The following OAT variants were observed in gnomAD, a reference collection of about 807,000 sequenced individuals.
OAT encodes the protein ornithine aminotransferase, also known as ornithine aminotransferase, mitochondrial.
A neutral mutation model predicts 48.4 loss-of-function variants in OAT; 35 were observed. The ratio of observed to expected loss-of-function variants is 0.72; its 90% CI spans 0.55 to 0.96. The LOEUF (loss-of-function observed/expected upper bound fraction) is 0.96, where lower values mean the gene tolerates loss of function less well. Among genes scored for constraint, OAT ranks in the 40% least tolerant of loss-of-function variants. The pLI is 0.00. For missense variants in OAT, 438 were observed against 537.9 expected (o/e 0.81, Z 1.84); for synonymous variants, 182 against 198.4 (o/e 0.92, Z 0.70).
In OAT at chr10:124,412,075, T is replaced by C. The variant is rs771324745; in HGVS notation, c.97A>G (p.Thr33Ala). The change falls in exon 2 of 10, where the codon ACA becomes GCA. Residue 33 changes from threonine to alanine, a missense_variant. By Grantham distance (58) the Thr-to-Ala change is moderately conservative. Transcript: ENST00000368845. ...ASATSVATKKTVQGPPTSDDI... is the reference protein window; with the variant it reads ...ASATSVATKKAVQGPPTSDDI... ...TCAGAGGTTGGAGGGCCTTGGACTG[T>C]TTTTTTAGTTGCAACAGATGTAGCA... is the stretch of plus-strand genomic sequence containing the variant. 4.3e-6 allele frequency: 7 copies of C among 1,614,022 alleles called. No individual in the cohort carries two copies. The South Asian group carries it at 6.6e-5, about 15-fold the overall frequency.
At chr10:124,414,025 C>G (rs1337279620) in intron 1 of OAT, 1 of 124,476 alleles carries the variant, frequency 8.0e-6, no homozygotes, top group Non-Finnish European at 1.8e-5. Context: ...GGAATCACCT[C>G]TGGAAGGAAA....
intron 1 of OAT, among the ~76,000 whole-genome samples, chr10:124,413,285 CACACACACACACACACACACACACAT>C (rs1490136894): frequency 6.9e-6 from 1 of 145,034 alleles, no homozygotes; most frequent in African/African-American, 2.5e-5. Context: ...CACACACACA[CACACACACACACACACACACACACAT>C]ATATGAGATT....
At chr10:124,399,006 C>T (rs1334341048) in intron 9 of OAT, among the ~76,000 whole-genome samples, 1 of 151,730 alleles carries the variant, frequency 6.6e-6, no homozygotes, top group Admixed American at 6.6e-5. Context: ...ACAGACACTC[C>T]AGCCCAACAG....
At chr10:124,410,883 G>A (rs1222957729) in intron 2 of OAT, among the ~76,000 whole-genome samples, 2 of 152,066 alleles carry the variant, frequency 1.3e-5, no homozygotes, top group Non-Finnish European at 1.5e-5. Flanking sequence ...GCTCACGCCT[G>A]TAATCCAGCA....
chr10:124,398,165 G>C, intron 9 of OAT, 63 bp from the exon 10 acceptor site: 8 of 1,565,946 alleles, frequency 5.1e-6, no homozygotes, highest in Non-Finnish European at 7.0e-6. Context: ...CTTGCCGTAT[G>C]TATGGGCAAA....
intron 5 of OAT, among the ~76,000 whole-genome samples, 160 bp from the exon 6 acceptor site, chr10:124,404,080 C>T (rs1437204369): frequency 1.3e-5 from 2 of 152,148 alleles, no homozygotes; most frequent in African/African-American, 2.4e-5. Flanking sequence ...TTATCAGAAG[C>T]TCCAAATACC....
chr10:124,398,153 C>T (rs1326863944), intron 9 of OAT, 51 bp from the exon 10 acceptor site: 2 of 1,602,978 alleles, frequency 1.2e-6, no homozygotes, highest in Non-Finnish European at 1.7e-6. Flanking sequence ...GTTTAAACAT[C>T]CCTTGCCGTA....
chr10:124,402,398 C>T (rs956253146), intron 7 of OAT, among the ~76,000 whole-genome samples: 14 of 152,294 alleles, frequency 9.2e-5, no homozygotes, highest in African/African-American at 3.4e-4. Flanking sequence ...TCACTTCCAA[C>T]GTCGAGATGA....
intron 1 of OAT, 135 bp from the exon 2 acceptor site, chr10:124,412,335 A>C: frequency 1.5e-6 from 1 of 676,822 alleles, no homozygotes; most frequent in Non-Finnish European, 2.5e-6. Context: ...ACAGAGCAAG[A>C]CTCCATCACT....
At chr10:124,400,719 C>T (rs1951382511) in intron 9 of OAT, 121 bp downstream of exon 9, 2 of 770,730 alleles carry the variant, frequency 2.6e-6, no homozygotes, top group Non-Finnish European at 4.0e-6. Flanking sequence ...CACGGCACTG[C>T]AGCCTAGGAG....
chr10:124,408,701 T>G, intron 3 of OAT, 40 bp downstream of exon 3: 1 of 1,581,686 alleles, frequency 6.3e-7, no homozygotes, highest in Non-Finnish European at 8.7e-7. Flanking sequence ...ATAAAAAGAT[T>G]ATTTTTGAGG....
chr10:124,400,446 TA>T (rs56370450), intron 9 of OAT, among the ~76,000 whole-genome samples: 8,199 of 103,824 alleles, frequency 0.079, 293 homozygotes, highest in Non-Finnish European at 0.1. Flanking sequence ...GACTCCATCT[TA>T]AAAAAAAAAA....
chr10:124,411,065 G>A (rs1177588603), intron 2 of OAT, among the ~76,000 whole-genome samples: 5 of 141,968 alleles, frequency 3.5e-5, no homozygotes, highest in South Asian at 4.6e-4. Context: ...ACTTGAAACC[G>A]AGAGGTAGAG....
chr10:124,406,854 G>T, intron 4 of OAT: 5 of 456,046 alleles, frequency 1.1e-5, no homozygotes, highest in Non-Finnish European at 8.6e-6. Flanking sequence ...CAACTGGCAA[G>T]ATCCCTATCC....
intron 1 of OAT, among the ~76,000 whole-genome samples, chr10:124,413,688 A>G (rs1951831395): frequency 6.6e-6 from 1 of 152,086 alleles, no homozygotes; most frequent in Non-Finnish European, 1.5e-5. Context: ...GTCTCAAAAA[A>G]CAAACAAACA....
At chr10:124,408,343 A>ATTTT (rs146556713) in intron 4 of OAT, among the ~76,000 whole-genome samples, 199 bp downstream of exon 4, 31 of 83,806 alleles carry the variant, frequency 3.7e-4, no homozygotes, top group East Asian at 1.8e-3. Context: ...ATATATATAT[A>ATTTT]TTTTTTTTTT....
intron 7 of OAT, 133 bp downstream of exon 7, chr10:124,402,794 G>A (rs1358669040): frequency 2.3e-5 from 26 of 1,138,710 alleles, no homozygotes; most frequent in South Asian, 6.8e-5. Context: ...CAGATATTCC[G>A]GGTGGCCTGC....
In OAT at chr10:124,416,750, C is replaced by T. The variant is rs147276551; in HGVS notation, c.-30+2123G>A. 6.0e-4 allele frequency among the ~76,000 whole-genome samples: 92 copies of T among 152,070 alleles called. No homozygotes were observed. The Middle Eastern group carries it at 0.014, about 22-fold the overall frequency. ...TATTTTCTTACTCTAAAAGAATAGT[C>T]GGCGTAAAGTTGTCCAAAAGCCACT... On this transcript the variant is annotated intron_variant, in intron 1 of 9. Transcript: ENST00000368845.
At chr10:124,410,218 A>C (rs11244773) in intron 2 of OAT, among the ~76,000 whole-genome samples, 5,662 of 152,310 alleles carry the variant, frequency 0.037, 347 homozygotes, top group African/African-American at 0.13. Flanking sequence ...TTCAGGCAAG[A>C]ATCATTAGTG....
Sources: gnomAD v4.1 joint callset for allele counts (sites outside exome capture counted in the v4.1 genomes callset) on GRCh38, gnomAD v4.1.1 for gene constraint, MANE v1.5 for transcripts, NCBI Gene and HGNC (gene_info 2026-07-23, HGNC 2026-07-21) for gene names.